MMS22L: variants seen among roughly 807,000 people sequenced by gnomAD.
MMS22L encodes MMS22 like, DNA repair protein, also known as protein MMS22-like.
MMS22L carries 74 observed loss-of-function variants against 159.1 expected under a neutral mutation model. The observed-to-expected ratio is 0.47, with a 90% CI of 0.39 to 0.56. MMS22L has a LOEUF of 0.56. Among genes scored for constraint, MMS22L ranks in the 20% least tolerant of loss-of-function variants. The pLI is 0.00. For missense variants in MMS22L, 1,351 were observed against 1,422.1 expected (o/e 0.95, Z 0.80); for synonymous variants, 517 against 506.9 (o/e 1.02, Z -0.27).
chr6:97,269,245 A>C (rs1236484574), intron 7 of MMS22L, among the ~76,000 whole-genome samples: 5 of 152,178 alleles, frequency 3.3e-5, no homozygotes, highest in African/African-American at 1.2e-4. Context: ...GGCAAAAAAT[A>C]AAATATAATT....
intron 14 of MMS22L, among the ~76,000 whole-genome samples, chr6:97,215,145 G>C (rs184957991): frequency 1.4e-5 from 2 of 144,998 alleles, no homozygotes; most frequent in Admixed American, 1.4e-4. Context: ...ACTAGCGGCT[G>C]TTCACCACCA....
At chr6:97,179,273 T>C in intron 17 of MMS22L, 135 bp downstream of exon 17, 1 of 683,216 alleles carries the variant, frequency 1.5e-6, no homozygotes, top group Non-Finnish European at 2.2e-6. Context: ...CAAAAGGAAA[T>C]TAAGTTCTGC....
chr6:97,267,944 G>A lies in MMS22L; in HGVS notation c.756C>T (p.Ile252=), dbSNP rs779154701. Residue 252 remains isoleucine (I), a synonymous_variant, in exon 8 of 25, where the codon ATC becomes ATT. Coordinates refer to ENST00000683635, the MANE Select transcript of MMS22L (RefSeq NM_001350599.2). The part of the protein sequence containing the change: ...MNLASDNLTN[I]SLFEEHCETL... ...TTTCACAATGTTCTTCAAATAGGCTGATGTTGGTTAAATTGTCACTTGCCA... is the reference window on the plus strand; with the variant it reads ...TTTCACAATGTTCTTCAAATAGGCTAATGTTGGTTAAATTGTCACTTGCCA... 2.5e-6 allele frequency: 4 copies of A among 1,608,756 alleles called. No individual in the cohort carries two copies. The highest frequency in any genetic ancestry group is 4.5e-5 in the East Asian group (2 of 44,542).
At chr6:97,168,006 TA>T in intron 20 of MMS22L, 64 bp downstream of exon 20, 1 of 1,347,546 alleles carries the variant, frequency 7.4e-7, no homozygotes, top group Middle Eastern at 1.9e-4. Context: ...TTTAGTAAAC[TA>T]TGTTTTTAAG....
intron 22 of MMS22L, 64 bp downstream of exon 22, chr6:97,161,938 G>T: frequency 2.7e-6 from 4 of 1,476,800 alleles, no homozygotes; most frequent in South Asian, 2.4e-5. Context: ...TTAAATTGAG[G>T]GGAAACAGTA....
At chr6:97,236,168 A>C (rs1811376606) in intron 11 of MMS22L, among the ~76,000 whole-genome samples, 1 of 152,032 alleles carries the variant, frequency 6.6e-6, no homozygotes, top group Non-Finnish European at 1.5e-5. Flanking sequence ...TCTCTACTAA[A>C]AAATACAAAA....
At chr6:97,204,673 T>C (rs1807559647) in intron 14 of MMS22L, among the ~76,000 whole-genome samples, 1 of 151,306 alleles carries the variant, frequency 6.6e-6, no homozygotes, top group Admixed American at 6.6e-5. Flanking sequence ...CATGCACCTG[T>C]AGTCCCAGCT....
chr6:97,151,048 G>A (rs1431187950), intron 23 of MMS22L, among the ~76,000 whole-genome samples: 1 of 152,134 alleles, frequency 6.6e-6, no homozygotes, highest in Non-Finnish European at 1.5e-5. Flanking sequence ...ACTAAAGCAA[G>A]TCAGAAAAGC....
intron 8 of MMS22L, 139 bp downstream of exon 8, chr6:97,267,733 A>G: frequency 1.4e-6 from 1 of 699,266 alleles, no homozygotes; most frequent in Admixed American, 4.4e-5. Flanking sequence ...TTTCCCTTTC[A>G]GCTCCCAGAT....
upstream of MMS22L, among the ~76,000 whole-genome samples, chr6:97,283,867 G>T (rs889317995): frequency 2.0e-5 from 3 of 152,084 alleles, no homozygotes; most frequent in African/African-American, 7.2e-5. Flanking sequence ...GATCATAATG[G>T]CATTAAACTA....
chr6:97,243,825 T>C (rs537675683), intron 11 of MMS22L, among the ~76,000 whole-genome samples: 1 of 152,228 alleles, frequency 6.6e-6, no homozygotes, highest in African/African-American at 2.4e-5. Context: ...GTGATTGTTA[T>C]TGCTCTTCTG....
rs1338427026 is a variant in MMS22L, at chr6:97,281,238, T to C, written c.289A>G (p.Arg97Gly). Residue 97 changes from arginine to glycine, a missense_variant and splice_region_variant, in exon 3 of 25, where the codon AGG becomes GGG. Transcript: ENST00000683635. Reference protein sequence around the residue: ...NSSRELFHLFRQQLYNLETLL... With the variant: ...NSSRELFHLFGQQLYNLETLL... ...CAGAAAGTTATAACGAAGAAATACCTGAATAAATGAAAGAGTTCTCTAGAT... is the reference window on the plus strand; with the variant it reads ...CAGAAAGTTATAACGAAGAAATACCCGAATAAATGAAAGAGTTCTCTAGAT... 6.2e-7 allele frequency: 1 copy of C among 1,600,118 alleles called. No homozygotes were observed. The highest frequency in any genetic ancestry group is 8.5e-7 in the Non-Finnish European group (1 of 1,176,444).
chr6:97,277,079 A>G (rs1816306574), intron 4 of MMS22L, among the ~76,000 whole-genome samples: 1 of 152,268 alleles, frequency 6.6e-6, no homozygotes, highest in Admixed American at 6.5e-5. Flanking sequence ...GCTAACAGCT[A>G]GGCCATGGTA....
chr6:97,151,380 A>T (rs934207034), intron 23 of MMS22L, among the ~76,000 whole-genome samples: 2 of 152,228 alleles, frequency 1.3e-5, no homozygotes, highest in Non-Finnish European at 2.9e-5. Flanking sequence ...CCATTAGGCC[A>T]TACCATATAG....
chr6:97,172,064 T>C (rs963805086), intron 19 of MMS22L, among the ~76,000 whole-genome samples: 5 of 152,184 alleles, frequency 3.3e-5, no homozygotes, highest in African/African-American at 9.6e-5. Context: ...TTGTCCCATG[T>C]CTATATCAGA....
At chr6:97,197,259 G>A (rs899404280) in intron 14 of MMS22L, among the ~76,000 whole-genome samples, 1 of 152,144 alleles carries the variant, frequency 6.6e-6, no homozygotes, top group Non-Finnish European at 1.5e-5. Context: ...TCATCTGATT[G>A]TGACAACTTG....
intron 11 of MMS22L, among the ~76,000 whole-genome samples, chr6:97,240,198 T>C (rs1033864484): frequency 2.6e-5 from 4 of 152,206 alleles, no homozygotes; most frequent in African/African-American, 9.6e-5. Flanking sequence ...ATCCAACACA[T>C]AGTCCTATAC....
intron 9 of MMS22L, 116 bp from the exon 10 acceptor site, chr6:97,254,849 A>T: frequency 1.3e-6 from 1 of 741,124 alleles, no homozygotes; most frequent in Non-Finnish European, 2.0e-6. Context: ...CACATATATA[A>T]AACTGAAATA....
intron 14 of MMS22L, among the ~76,000 whole-genome samples, chr6:97,212,732 A>C (rs537871859): frequency 3.3e-5 from 5 of 152,310 alleles, no homozygotes; most frequent in African/African-American, 1.2e-4. Flanking sequence ...AAAATACAGT[A>C]ATTTTTTTTT....
Sources: gnomAD v4.1 joint callset for allele counts (sites outside exome capture counted in the v4.1 genomes callset) on GRCh38, gnomAD v4.1.1 for gene constraint, MANE v1.5 for transcripts, NCBI Gene and HGNC (gene_info 2026-07-23, HGNC 2026-07-21) for gene names.